The following NTM variants were observed in gnomAD, a reference collection of about 807,000 sequenced individuals.
NTM encodes the protein neurotrimin.
Under a neutral mutation model 42.1 loss-of-function variants are expected in NTM, and 13 were observed. That is an observed-to-expected ratio of 0.31 (90% CI 0.20 to 0.49). NTM has a LOEUF of 0.49. NTM is among the 20% of genes least tolerant of loss of function. The pLI, the probability that NTM is intolerant of heterozygous loss-of-function variation, is 0.99. For synonymous variants in NTM, 187 were observed against 179.2 expected (o/e 1.04, Z -0.35); for missense variants, 373 against 452.8 (o/e 0.82, Z 1.60).
rs554519647 is a variant in NTM, at chr11:131,919,771, T to C, written c.167+8123T>C. On this transcript the variant is annotated intron_variant, in intron 2 of 8. Coordinates refer to ENST00000683400, the MANE Select transcript of NTM (RefSeq NM_001352005.2). ...ATATGTACATATGCATGTGTGCATA[T>C]ATGTGTATATAATATACACACATAT... 2.0e-5 allele frequency among the ~76,000 whole-genome samples: 3 copies of C among 152,278 alleles called. No individual in the cohort carries two copies. In the South Asian group the frequency reaches 6.2e-4, roughly 32 times the overall value.
chr11:131,510,799 G>T (rs569747283), intron 1 of NTM, among the ~76,000 whole-genome samples: 1 of 152,122 alleles, frequency 6.6e-6, no homozygotes, highest in Non-Finnish European at 1.5e-5. Context: ...GGAGTCCACC[G>T]GGTCTGTGGG....
chr11:131,796,952 G>A (rs2091636726), intron 1 of NTM, among the ~76,000 whole-genome samples: 2 of 152,152 alleles, frequency 1.3e-5, no homozygotes, highest in Admixed American at 6.5e-5. Context: ...AAAATATTTA[G>A]CTAATGATGA....
intron 2 of NTM, among the ~76,000 whole-genome samples, chr11:132,115,652 T>C (rs2063782657): frequency 6.6e-6 from 1 of 152,164 alleles, no homozygotes; most frequent in Admixed American, 6.5e-5. Flanking sequence ...AGCCTCGGTA[T>C]TCAGCCAGGG....
chr11:132,284,169 C>A (rs117260110), intron 4 of NTM: 1 of 152,264 alleles, frequency 6.6e-6, no homozygotes, highest in African/African-American at 2.4e-5. Flanking sequence ...GGTGAGCCCC[C>A]TCCCTATTCT....
intron 1 of NTM, chr11:131,911,163 A>C (rs1303403570): frequency 7.7e-7 from 1 of 1,307,002 alleles, no homozygotes; most frequent in African/African-American, 1.5e-5. Context: ...GGCTCCTGAG[A>C]CGCGCCCACA....
chr11:132,223,001 A>T (rs574271632), intron 4 of NTM, among the ~76,000 whole-genome samples: 2 of 152,340 alleles, frequency 1.3e-5, no homozygotes, highest in Admixed American at 6.5e-5. Flanking sequence ...GCAAGATAGA[A>T]AAAGACAAAT....
intron 4 of NTM, among the ~76,000 whole-genome samples, chr11:132,213,472 A>G (rs1476113964): frequency 6.6e-6 from 1 of 151,542 alleles, no homozygotes; most frequent in Non-Finnish European, 1.5e-5. Flanking sequence ...CATGAGACAC[A>G]GGGGGCTGAC....
intron 2 of NTM, among the ~76,000 whole-genome samples, chr11:132,062,776 A>G (rs2080876996): frequency 1.3e-5 from 2 of 152,136 alleles, no homozygotes; most frequent in South Asian, 4.2e-4. Flanking sequence ...GCTGCACTTG[A>G]AATGTGTGGT....
At chr11:131,477,543 G>T (rs1432435003) in intron 1 of NTM, among the ~76,000 whole-genome samples, 1 of 151,544 alleles carries the variant, frequency 6.6e-6, no homozygotes, top group African/African-American at 2.4e-5. Context: ...GGACACAGAG[G>T]ATGCGCCCTC....
At chr11:131,872,215 C>G (rs967700154) in intron 1 of NTM, among the ~76,000 whole-genome samples, 1 of 152,200 alleles carries the variant, frequency 6.6e-6, no homozygotes, top group African/African-American at 2.4e-5. Flanking sequence ...AAACAGAACT[C>G]AGGAGCTTGG....
chr11:131,981,836 C>T (rs550840677), intron 2 of NTM, among the ~76,000 whole-genome samples: 6 of 152,106 alleles, frequency 3.9e-5, no homozygotes, highest in East Asian at 1.9e-4. Context: ...CATGGCGAAA[C>T]CCCATCTCTA....
intron 1 of NTM, among the ~76,000 whole-genome samples, chr11:131,892,399 A>G (rs969420669): frequency 1.3e-5 from 2 of 152,246 alleles, no homozygotes; most frequent in Admixed American, 6.5e-5. Context: ...GAACAAAGTA[A>G]TGCGTGTGAA....
At chr11:132,004,609 C>CTCTT (rs1390672741) in intron 2 of NTM, among the ~76,000 whole-genome samples, 2 of 75,492 alleles carry the variant, frequency 2.6e-5, no homozygotes, top group Non-Finnish European at 6.0e-5. Context: ...CTCTCTTTCT[C>CTCTT]TCTCTCTCTC....
chr11:131,707,217 T>C (rs1008794284), intron 1 of NTM, among the ~76,000 whole-genome samples: 1 of 152,088 alleles, frequency 6.6e-6, no homozygotes, highest in Non-Finnish European at 1.5e-5. Context: ...TTCAACTTTT[T>C]AAGATTCCAC....
intron 4 of NTM, among the ~76,000 whole-genome samples, chr11:132,236,158 T>C (rs995500679): frequency 1.3e-5 from 2 of 152,194 alleles, no homozygotes; most frequent in African/African-American, 4.8e-5. Flanking sequence ...TTCTGGAGCA[T>C]TTATTCTTTA....
At chr11:131,853,677 A>G (rs2045816973) in intron 1 of NTM, among the ~76,000 whole-genome samples, 1 of 152,302 alleles carries the variant, frequency 6.6e-6, no homozygotes, top group African/African-American at 2.4e-5. Flanking sequence ...TGTCTTTGCT[A>G]TTGTGAATAG....
intron 1 of NTM, among the ~76,000 whole-genome samples, chr11:131,545,331 G>A (rs903509117): frequency 6.6e-6 from 1 of 151,788 alleles, no homozygotes; most frequent in African/African-American, 2.4e-5. Flanking sequence ...CCTTTTCTGT[G>A]TATTAGCTTT....
chr11:132,298,274 G>A (rs1309330472), intron 4 of NTM, among the ~76,000 whole-genome samples: 1 of 152,176 alleles, frequency 6.6e-6, no homozygotes. Flanking sequence ...CCCTATCAAT[G>A]TCTTTCAGAT....
At chr11:132,279,420 C>A (rs1025358016) in intron 4 of NTM, among the ~76,000 whole-genome samples, 11 of 152,144 alleles carry the variant, frequency 7.2e-5, no homozygotes, top group African/African-American at 2.7e-4. Flanking sequence ...TCCAATCTTG[C>A]AGATGATCAT....
Sources: allele counts gnomAD v4.1 joint callset (sites outside exome capture counted in the v4.1 genomes callset), GRCh38; gene constraint gnomAD v4.1.1; transcripts MANE v1.5; gene names NCBI Gene and HGNC (gene_info 2026-07-23, HGNC 2026-07-21).